Variants in DPH6 observed in about 807,000 individuals in gnomAD.
The protein encoded by DPH6 is diphthine--ammonia ligase.
In DPH6, 33 loss-of-function variants were observed where a neutral mutation model predicts 38.2. The observed-to-expected ratio is 0.86, with a 90% confidence interval of 0.65 to 1.15. DPH6 has a LOEUF of 1.15. Ranked by LOEUF, DPH6 falls within the 50% of genes most tolerant of loss-of-function variation. DPH6 has a pLI of 0.00. For synonymous variants in DPH6, 108 were observed against 103.0 expected, an observed-to-expected ratio of 1.05 and a Z score of -0.30; for missense variants, 325 against 320.0, an observed-to-expected ratio of 1.02 and a Z score of -0.12.
intron 3 of DPH6, among the ~76,000 whole-genome samples, chr15:35,319,414 C>T (rs1229494469): frequency 6.6e-6 from 1 of 151,966 alleles, no homozygotes; most frequent in African/African-American, 2.4e-5. Flanking sequence ...TCCAAATTGT[C>T]CTGAAGTGAC....
intron 3 of DPH6, among the ~76,000 whole-genome samples, chr15:35,480,811 G>A (rs2054317308): frequency 6.6e-6 from 1 of 151,908 alleles, no homozygotes; most frequent in Admixed American, 6.6e-5. Flanking sequence ...TAACCACTGA[G>A]TAACCAGATA....
intron 1 of DPH6, among the ~76,000 whole-genome samples, chr15:35,545,261 G>C (rs996541864): frequency 6.6e-6 from 1 of 152,210 alleles, no homozygotes; most frequent in Non-Finnish European, 1.5e-5. Flanking sequence ...AATGTTGCTA[G>C]TGTGTTCCCT....
chr15:35,243,326 C>CT (rs1413820436), intron 3 of DPH6, among the ~76,000 whole-genome samples: 2 of 141,766 alleles, frequency 1.4e-5, no homozygotes, highest in African/African-American at 5.1e-5. Flanking sequence ...CTCCATACCA[C>CT]CCCCCAAAAA....
chr15:35,458,143 T>C (rs13313505), intron 3 of DPH6, among the ~76,000 whole-genome samples: 3,543 of 152,310 alleles, frequency 0.023, 130 homozygotes, highest in African/African-American at 0.081. Flanking sequence ...TGTATTCTTA[T>C]TTTTTATTGG....
chr15:35,302,886 T>C (rs1333778800), intron 3 of DPH6, among the ~76,000 whole-genome samples: 1 of 152,148 alleles, frequency 6.6e-6, no homozygotes, highest in Non-Finnish European at 1.5e-5. Context: ...GTTTGCAGAT[T>C]TGTGTGGAAA....
intron 3 of DPH6, among the ~76,000 whole-genome samples, chr15:35,486,391 G>C (rs1022140403): frequency 3.9e-5 from 6 of 152,068 alleles, no homozygotes; most frequent in Non-Finnish European, 8.8e-5. Flanking sequence ...AGGTTTAACT[G>C]ATTCACAGGT....
chr15:35,220,162 T>C (rs1290331353), exon 4 of DPH6: 1 of 152,234 alleles, frequency 6.6e-6, no homozygotes, highest in Admixed American at 6.5e-5. Flanking sequence ...CTCTGTCTAC[T>C]ATAATTTTTT....
rs530453416 is a variant in DPH6 at position 35,334,887 on chromosome 15, T to C, written n.208-3810A>G. Among the ~76,000 whole-genome samples, 68 of 151,476 alleles carry C rather than the reference T, an allele frequency of 4.5e-4. 1 individual carries two copies. The highest frequency in any genetic ancestry group is 1.5e-3 in the African/African-American group (64 of 41,436). ...GAACCTATGTGTGCATGTATCTTTA[T>C]AATAATTTATATTCCTTTGGGTATA... is the stretch of plus-strand genomic sequence containing the variant. On this transcript the variant is annotated intron_variant and non_coding_transcript_variant, in intron 3 of 3. Transcript: ENST00000558973.
the DPH6 span, among the ~76,000 whole-genome samples, chr15:35,167,815 C>T: frequency 6.6e-6 from 1 of 152,012 alleles, no homozygotes; most frequent in Non-Finnish European, 1.5e-5. Context: ...TTCTGAATGT[C>T]ATCACCTACC....
intron 5 of DPH6, among the ~76,000 whole-genome samples, chr15:35,417,439 A>AT (rs1339694290): frequency 1.3e-5 from 2 of 152,078 alleles, no homozygotes; most frequent in African/African-American, 4.8e-5. Flanking sequence ...GGTCAGGGTC[A>AT]TATTAGCATC....
chr15:35,277,741 TA>T (rs2051868883), intron 3 of DPH6, among the ~76,000 whole-genome samples: 1 of 152,194 alleles, frequency 6.6e-6, no homozygotes, highest in African/African-American at 2.4e-5. Flanking sequence ...GAGTAAAGGT[TA>T]TCCATTATGC....
At chr15:35,257,350 T>C (rs1475353961) in intron 3 of DPH6, among the ~76,000 whole-genome samples, 3 of 152,198 alleles carry the variant, frequency 2.0e-5, no homozygotes, top group East Asian at 1.9e-4. Context: ...ACCTATAGGC[T>C]TGAACACAGG....
At chr15:35,254,562 C>T (rs897496270) in intron 3 of DPH6, among the ~76,000 whole-genome samples, 2 of 152,074 alleles carry the variant, frequency 1.3e-5, no homozygotes, top group Admixed American at 1.3e-4. Flanking sequence ...TGGTTTGTAC[C>T]TTAAGCAAAA....
the DPH6 span, among the ~76,000 whole-genome samples, chr15:35,146,325 T>G: frequency 6.6e-6 from 1 of 152,162 alleles, no homozygotes; most frequent in Admixed American, 6.5e-5. Flanking sequence ...AAATGTAATA[T>G]CAAAACCTAA....
intron 5 of DPH6, among the ~76,000 whole-genome samples, chr15:35,420,547 C>A (rs569343988): frequency 2.6e-5 from 4 of 152,084 alleles, no homozygotes; most frequent in Non-Finnish European, 4.4e-5. Context: ...TAGACAGTCT[C>A]GCTCTGTTGC....
At chr15:35,187,684 C>T in the DPH6 span, among the ~76,000 whole-genome samples, 1 of 152,168 alleles carries the variant, frequency 6.6e-6, no homozygotes, top group Non-Finnish European at 1.5e-5. Context: ...CTAATTTTTA[C>T]CAATTAGAAT....
chr15:35,388,271 A>G (rs1275783851), intron 6 of DPH6, among the ~76,000 whole-genome samples: 1 of 152,120 alleles, frequency 6.6e-6, no homozygotes, highest in Non-Finnish European at 1.5e-5. Context: ...TTTTTGCATC[A>G]ATGTTCATCA....
chr15:35,428,943 T>C (rs1371501158), intron 5 of DPH6, among the ~76,000 whole-genome samples: 1 of 152,092 alleles, frequency 6.6e-6, no homozygotes, highest in Admixed American at 6.6e-5. Flanking sequence ...TAGAAAAACA[T>C]AAAAAAGAAA....
intron 3 of DPH6, among the ~76,000 whole-genome samples, chr15:35,244,764 T>C (rs565232404): frequency 7.2e-5 from 11 of 152,220 alleles, no homozygotes; most frequent in Non-Finnish European, 1.6e-4. Flanking sequence ...AGAGCTGTGC[T>C]GAGTTACACA....
Sources: gnomAD v4.1 joint callset for allele counts (sites outside exome capture counted in the v4.1 genomes callset) on GRCh38, gnomAD v4.1.1 for gene constraint, MANE v1.5 for transcripts, NCBI Gene and HGNC (gene_info 2026-07-23, HGNC 2026-07-21) for gene names.